CCDC138: variants seen among roughly 807,000 people sequenced by gnomAD.
The protein encoded by CCDC138 is coiled-coil domain containing 138.
In CCDC138, 66 loss-of-function variants were observed where a neutral mutation model predicts 82.3. The ratio of observed to expected loss-of-function variants is 0.80; its 90% confidence interval spans 0.66 to 0.98. CCDC138 has a LOEUF of 0.98. Ranked by LOEUF, CCDC138 falls within the 50% of genes least tolerant of loss-of-function variation. The pLI is 0.00. For synonymous variants in CCDC138, 297 were observed against 265.4 expected (o/e 1.12, Z -1.16); for missense variants, 816 against 758.9 (o/e 1.08, Z -0.88).
At chr2:108,812,123 A>C (rs1229084611) in intron 7 of CCDC138, among the ~76,000 whole-genome samples, 1 of 152,186 alleles carries the variant, frequency 6.6e-6, no homozygotes, top group Non-Finnish European at 1.5e-5. Flanking sequence ...TATTAAAAGA[A>C]AATAAAACCT....
intron 14 of CCDC138, among the ~76,000 whole-genome samples, chr2:108,874,907 T>A (rs1695800561): frequency 7.5e-6 from 1 of 132,668 alleles, no homozygotes; most frequent in South Asian, 2.6e-4. Flanking sequence ...TCTTTTTTAC[T>A]TCTTAATTCA....
At chr2:108,817,654 T>C (rs1685026711) in intron 10 of CCDC138, among the ~76,000 whole-genome samples, 1 of 152,128 alleles carries the variant, frequency 6.6e-6, no homozygotes, top group Admixed American at 6.5e-5. Context: ...CATACAAATC[T>C]CAGTGCTCTA....
chr2:108,798,950 C>T (rs1681416771), intron 6 of CCDC138, among the ~76,000 whole-genome samples: 2 of 151,988 alleles, frequency 1.3e-5, no homozygotes, highest in Admixed American at 1.3e-4. Flanking sequence ...ATTCTCCAGA[C>T]CATTAGCGCA....
chr2:108,791,013 C>T (rs1241373472), intron 3 of CCDC138, among the ~76,000 whole-genome samples: 2 of 152,224 alleles, frequency 1.3e-5, no homozygotes, highest in East Asian at 1.9e-4. Context: ...ACTCCCACTT[C>T]GGCCTCCCAA....
intron 13 of CCDC138, among the ~76,000 whole-genome samples, chr2:108,872,227 C>T (rs958697018): frequency 6.6e-6 from 1 of 152,118 alleles, no homozygotes; most frequent in Non-Finnish European, 1.5e-5. Context: ...TTCCCTCCTT[C>T]TCCTCCTCCC....
At chr2:108,796,453 C>T (rs192968799) in intron 5 of CCDC138, among the ~76,000 whole-genome samples, 71 of 152,184 alleles carry the variant, frequency 4.7e-4, no homozygotes, top group African/African-American at 1.6e-3. Context: ...GTAGAACTAC[C>T]GTATGATCCA....
chr2:108,823,806 G>A (rs530747004), intron 10 of CCDC138, among the ~76,000 whole-genome samples: 3 of 152,198 alleles, frequency 2.0e-5, no homozygotes, highest in South Asian at 4.1e-4. Flanking sequence ...GTGAAACTCC[G>A]TTTTTACTAA....
Position 108,857,066 on chromosome 2 carries a change from C to CTTTTT in CCDC138, c.1693+123_1693+127dup, listed in dbSNP as rs35540493. On this transcript the variant is annotated intron_variant, in intron 13 of 14. Transcript: ENST00000295124. ...TAACTCCACATATCAGATACTATTG[C>CTTTTT]TTTTTTTTTTTTTTTTTTTTTTTTT... 43 of 44,096 alleles carry CTTTTT rather than the reference C, an allele frequency of 9.8e-4. 7 individuals are homozygous for CTTTTT. The highest frequency in any genetic ancestry group is 2.8e-3 in the African/African-American group (23 of 8,094). The allele number at this position is 44,096 out of a possible 1,614,324, so 2.7% of individuals were successfully genotyped here.
Position 108,876,333 on chromosome 2 carries a change from C to G in CCDC138, c.*80C>G. On this transcript the variant is annotated 3_prime_UTR_variant, in exon 15 of 15. Coordinates refer to ENST00000295124, the MANE Select transcript of CCDC138 (RefSeq NM_144978.3). The stretch of plus-strand genomic sequence containing the variant: ...ATTACCAAAGTAACTACAATTCTAC[C>G]AAGTAAAGTTATCAGTAGCATCATT... 3 of 768,038 alleles carry G rather than the reference C, an allele frequency of 3.9e-6. No individual in the cohort carries two copies. Among genetic ancestry groups the G allele is most frequent in the Non-Finnish European group, 6.0e-6 (3 of 496,184 alleles). 47.6% of individuals were successfully genotyped at this position (768,038 alleles called of 1,614,324 possible).
Position 108,788,040 on chromosome 2 carries a change from T to G in CCDC138, c.102T>G (p.Phe34Leu). 1 of 1,570,268 alleles carries G rather than the reference T, an allele frequency of 6.4e-7. No individual in the cohort carries two copies. The highest frequency in any genetic ancestry group is 1.2e-5 in the South Asian group (1 of 83,726). The stretch of plus-strand genomic sequence containing the variant: ...TTTCTTTTTTTTTTTAGTATGATTT[T>G]TCAAATTTTTATCAGTCTAAGTATA... ...LGGSCPDEYD[F>L]SNFYQSKYKR... The change falls in exon 2 of 15, where the codon TTT becomes TTG. Residue 34 changes from phenylalanine to leucine, a missense_variant. Transcript: ENST00000295124.
Position 108,786,786 on chromosome 2 carries a change from G to A in CCDC138, c.-37G>A. 1 of 1,545,954 alleles carries A rather than the reference G, an allele frequency of 6.5e-7. No homozygotes were observed. The highest frequency in any genetic ancestry group is 8.8e-7 in the Non-Finnish European group (1 of 1,137,112). On this transcript the variant is annotated 5_prime_UTR_variant, in exon 1 of 15. Coordinates refer to ENST00000295124, the MANE Select transcript of CCDC138 (RefSeq NM_144978.3). ...GCGTAGCGCCGCGGGTTTGATGAAC[G>A]CGGTTCCCGGGGAGACTGGTACGGT...
chr2:108,862,065 G>A (rs1211797174), intron 13 of CCDC138, among the ~76,000 whole-genome samples: 2 of 135,970 alleles, frequency 1.5e-5, no homozygotes, highest in Non-Finnish European at 3.1e-5. Context: ...GAGGATTCTT[G>A]GTATGATTTC....
At chr2:108,813,431 T>C (rs144113230) in intron 9 of CCDC138, among the ~76,000 whole-genome samples, 7 of 152,230 alleles carry the variant, frequency 4.6e-5, no homozygotes, top group Admixed American at 4.6e-4. Flanking sequence ...AAATATACTT[T>C]CATTTGTGAA....
intron 9 of CCDC138, among the ~76,000 whole-genome samples, chr2:108,815,193 A>G (rs1684552272): frequency 6.6e-6 from 1 of 152,182 alleles, no homozygotes; most frequent in South Asian, 2.1e-4. Context: ...TTTTGTGAGA[A>G]GAGAAAGATA....
chr2:108,808,435 A>G (rs1683219399), intron 7 of CCDC138, among the ~76,000 whole-genome samples: 1 of 152,110 alleles, frequency 6.6e-6, no homozygotes, highest in Non-Finnish European at 1.5e-5. Context: ...GAACCTGAAT[A>G]CTTGTGTTTT....
intron 7 of CCDC138, among the ~76,000 whole-genome samples, chr2:108,810,188 G>A (rs1212468691): frequency 1.3e-5 from 2 of 152,184 alleles, no homozygotes; most frequent in Non-Finnish European, 2.9e-5. Flanking sequence ...TGTTCAACAA[G>A]AGTGGTGAGA....
chr2:108,844,648 A>G (rs1025740936), intron 11 of CCDC138, among the ~76,000 whole-genome samples: 1 of 152,174 alleles, frequency 6.6e-6, no homozygotes, highest in African/African-American at 2.4e-5. Context: ...TTGTTTCAGC[A>G]AAAGTTTTAA....
At chr2:108,788,245 C>A (rs1265685189) in intron 2 of CCDC138, among the ~76,000 whole-genome samples, 156 bp downstream of exon 2, 2 of 151,032 alleles carry the variant, frequency 1.3e-5, no homozygotes, top group African/African-American at 4.9e-5. Context: ...ATAGTGAAAT[C>A]CCGTCTCTAC....
At chr2:108,843,313 A>T (rs1689828549) in intron 11 of CCDC138, among the ~76,000 whole-genome samples, 1 of 151,924 alleles carries the variant, frequency 6.6e-6, no homozygotes, top group Non-Finnish European at 1.5e-5. Flanking sequence ...GCCCACCACC[A>T]TGCCTGTCTA....
Sources: allele counts gnomAD v4.1 joint callset (sites outside exome capture counted in the v4.1 genomes callset), GRCh38; gene constraint gnomAD v4.1.1; transcripts MANE v1.5; gene names NCBI Gene and HGNC (gene_info 2026-07-23, HGNC 2026-07-21).